The following AKAP13 variants were observed in gnomAD, a reference collection of about 807,000 sequenced individuals.
AKAP13 encodes A-kinase anchor protein 13.
AKAP13 carries 80 observed loss-of-function variants against 264.5 expected under a neutral mutation model. The ratio of observed to expected loss-of-function variants is 0.30; its 90% CI spans 0.25 to 0.36. The LOEUF (loss-of-function observed/expected upper bound fraction) is 0.36. Among genes scored for constraint, AKAP13 ranks in the 10% least tolerant of loss-of-function variants. AKAP13 has a pLI of 1.00. For synonymous variants in AKAP13, 1,380 were observed against 1,250.2 expected, an observed-to-expected ratio of 1.10 and a Z score of -2.19; for missense variants, 3,712 against 3,435.2, an observed-to-expected ratio of 1.08 and a Z score of -2.01.
chr15:85,708,168 T>A lies in AKAP13; in HGVS notation c.5532+82T>A. The A allele has an allele frequency of 7.6e-7, 1 of 1,311,880 alleles. No individual in the cohort carries two copies. Among genetic ancestry groups the A allele is most frequent in the Non-Finnish European group, 1.1e-6 (1 of 939,434 alleles). The allele number at this position is 1,311,880 out of a possible 1,614,324, so 81.3% of individuals were successfully genotyped here. A position where few individuals can be genotyped will look rare whatever the true frequency, so the allele number is the denominator to read the frequency against. On this transcript the variant is annotated intron_variant, in intron 18 of 36. Coordinates refer to ENST00000394518, the MANE Select transcript of AKAP13 (RefSeq NM_007200.5). The surrounding 1 kb of genome is among the most constrained non-coding windows in gnomAD (Gnocchi z 4.3). ...CCTCGGGAGTTGGGAGAGTTGAGGTTGTGGTGGATTTTGTTTATTTTAATC... is the reference window on the plus strand; with the variant it reads ...CCTCGGGAGTTGGGAGAGTTGAGGTAGTGGTGGATTTTGTTTATTTTAATC...
At chr15:85,705,657 A>T (rs1567205219) in intron 17 of AKAP13, among the ~76,000 whole-genome samples, 1 of 152,236 alleles carries the variant, frequency 6.6e-6, no homozygotes, top group East Asian at 1.9e-4. Flanking sequence ...AATACAAAGT[A>T]TTATACATAG....
chr15:85,693,520 C>T (rs2085400625), intron 17 of AKAP13, 69 bp downstream of exon 17: 2 of 1,579,580 alleles, frequency 1.3e-6, no homozygotes, highest in Admixed American at 2.0e-5. Context: ...TTTCTTGTTT[C>T]CTGTCCCCAC....
intron 14 of AKAP13, among the ~76,000 whole-genome samples, chr15:85,675,438 T>C (rs1391139272): frequency 6.6e-6 from 1 of 152,226 alleles, no homozygotes; most frequent in African/African-American, 2.4e-5. Context: ...GCTTTTTCTC[T>C]CATTTCATTT....
intron 35 of AKAP13, among the ~76,000 whole-genome samples, chr15:85,742,971 AG>A (rs1196842373): frequency 6.6e-6 from 1 of 152,176 alleles, no homozygotes; most frequent in Non-Finnish European, 1.5e-5. Context: ...GCTTTGACAA[AG>A]GAGGGTTCCC....
Position 85,669,594 on chromosome 15 carries a change from G to A in AKAP13, c.4993-128G>A, listed in dbSNP as rs1042089140. The A allele has an allele frequency of 1.5e-5, 9 of 595,210 alleles. No homozygotes were observed. The East Asian group carries it at 2.6e-4, about 17-fold the overall frequency. The allele number at this position is 595,210 out of a possible 1,614,324, so 36.9% of individuals were successfully genotyped here. ...TTAACCTAAGTCTGTCTGACCACAA[G>A]GCCTGTGCTCTCACCCGCTTCTTCA... On this transcript the variant is annotated intron_variant, in intron 13 of 36. Transcript: ENST00000394518.
At chr15:85,445,326 C>T (rs986766799) in intron 1 of AKAP13, among the ~76,000 whole-genome samples, 1 of 152,198 alleles carries the variant, frequency 6.6e-6, no homozygotes, top group African/African-American at 2.4e-5. Flanking sequence ...TTCGAGAGCT[C>T]ACAGTGGGAG....
At chr15:85,432,439 C>T (rs970086837) in intron 1 of AKAP13, among the ~76,000 whole-genome samples, 2 of 151,336 alleles carry the variant, frequency 1.3e-5, no homozygotes, top group African/African-American at 2.4e-5. Flanking sequence ...TTGTAAAATA[C>T]GGGAGAATTC....
At chr15:85,422,880 G>A (rs979519854) in intron 1 of AKAP13, among the ~76,000 whole-genome samples, 2 of 152,214 alleles carry the variant, frequency 1.3e-5, no homozygotes, top group African/African-American at 4.8e-5. Context: ...CTGCAGGCAT[G>A]CTTCAGAGAT....
Position 85,708,052 on chromosome 15 carries a change from A to G in AKAP13, c.5498A>G (p.Glu1833Gly). ...GCTTTTGTCCACAAAGGCTGCCGAG[A>G]AAGTCTAGCCTCCTGTGCAAAGGTC... ...CSAFVHKGCR[E>G]SLASCAKVKM... Residue 1833 changes from glutamate to glycine, a missense_variant, in exon 18 of 37, where the codon GAA becomes GGA. This residue lies in a region of AKAP13 where 2,759 missense variants were observed against 2,411.7 expected (regional missense o/e 1.14). Transcript: ENST00000394518. This position sits in a 1 kb window ranked among gnomAD's most constrained non-coding sequence, Gnocchi z 4.3. 1.2e-6 allele frequency: 2 copies of G among 1,613,978 alleles called. No homozygotes were observed. The highest frequency in any genetic ancestry group is 1.7e-6 in the Non-Finnish European group (2 of 1,179,894).
chr15:85,581,981 C>G lies in AKAP13; in HGVS notation c.3913C>G (p.Pro1305Ala). ...AFTEKVSTFPPGESLPMGSTP... is the reference protein window; with the variant it reads ...AFTEKVSTFPAGESLPMGSTP... ...TACAGAAAAAGTGAGTACTTTCCCA[C>G]CTGGGGAGAGCCTACCAATGGGCAG... Residue 1305 changes from proline (P) to alanine (A), a missense_variant, in exon 7 of 37, where the codon CCT (proline) becomes GCT (alanine). Pro to Ala is a conservative substitution (Grantham distance 27, BLOSUM62 -1). Coordinates refer to ENST00000394518, the MANE Select transcript of AKAP13 (RefSeq NM_007200.5). 1 of 1,614,152 alleles carries G rather than the reference C, an allele frequency of 6.2e-7. No individual in the cohort carries two copies. The highest frequency in any genetic ancestry group is 1.3e-5 in the African/African-American group (1 of 75,036).
chr15:85,588,905 T>C (rs981086587), intron 8 of AKAP13, among the ~76,000 whole-genome samples: 1 of 152,228 alleles, frequency 6.6e-6, no homozygotes, highest in Non-Finnish European at 1.5e-5. Context: ...GAGAACCATG[T>C]AATTTATCTC....
At chr15:85,562,829 G>A (rs1267782502) in intron 5 of AKAP13, among the ~76,000 whole-genome samples, 1 of 147,166 alleles carries the variant, frequency 6.8e-6, no homozygotes, top group African/African-American at 2.5e-5. Context: ...CTGAGTAGCT[G>A]GGATTACAGG....
At chr15:85,723,387 G>A (rs1192319363) in intron 26 of AKAP13, 67 bp downstream of exon 26, 1 of 1,571,860 alleles carries the variant, frequency 6.4e-7, no homozygotes, top group South Asian at 1.2e-5. Context: ...AAGTGCTTTT[G>A]TTGGAAATTC....
At chr15:85,738,634 C>T (rs945155324) in intron 33 of AKAP13, among the ~76,000 whole-genome samples, 1 of 151,540 alleles carries the variant, frequency 6.6e-6, no homozygotes, top group East Asian at 1.9e-4. Flanking sequence ...GTCAGGAGAT[C>T]GAGACCATCC....
At position 85,631,913 on chromosome 15, in the gene AKAP13, A is replaced by G. The variant is rs1256126448; in HGVS notation, c.4162-7461A>G. On this transcript the variant is annotated intron_variant, in intron 8 of 36. Transcript: ENST00000394518. ...CATTGAAGAAAATTTGGGAAACTACAGGAAAGTTAAAAGGAATATAAGTTG... is the reference window on the plus strand; with the variant it reads ...CATTGAAGAAAATTTGGGAAACTACGGGAAAGTTAAAAGGAATATAAGTTG... Among the ~76,000 whole-genome samples the G allele has an allele frequency of 2.0e-5, 3 of 152,224 alleles. No individual in the cohort carries two copies. In the East Asian group the frequency reaches 5.8e-4, roughly 29 times the overall value.
In AKAP13 at chr15:85,588,980, A is replaced by G. The variant is rs374126228; in HGVS notation, c.4161+3157A>G. The stretch of plus-strand genomic sequence containing the variant: ...TCCACCGTGTAGAGTTGGGGAAAGC[A>G]TATGTCAGTGGGATTTTCAGTTCTT... On this transcript the variant is annotated intron_variant, in intron 8 of 36. Coordinates refer to ENST00000394518, the MANE Select transcript of AKAP13 (RefSeq NM_007200.5). Among the ~76,000 whole-genome samples the G allele has an allele frequency of 3.3e-5, 5 of 152,244 alleles. No homozygotes were observed. The East Asian group carries it at 5.8e-4, about 18-fold the overall frequency.
intron 14 of AKAP13, among the ~76,000 whole-genome samples, chr15:85,677,980 C>G (rs969711561): frequency 5.9e-5 from 9 of 152,060 alleles, no homozygotes; most frequent in African/African-American, 1.9e-4. Flanking sequence ...CCTACTTTCT[C>G]TCTCCTTTTG....
intron 1 of AKAP13, among the ~76,000 whole-genome samples, chr15:85,424,121 T>TA (rs2072654634): frequency 1.3e-5 from 2 of 152,368 alleles, no homozygotes; most frequent in South Asian, 4.1e-4. Flanking sequence ...GGCTTCAACT[T>TA]AAAGTCATCA....
At chr15:85,489,114 T>A (rs2075655347) in intron 2 of AKAP13, among the ~76,000 whole-genome samples, 1 of 152,200 alleles carries the variant, frequency 6.6e-6, no homozygotes, top group Non-Finnish European at 1.5e-5. Flanking sequence ...GGAAACGAGG[T>A]CTGAAGATGT....
Sources: gnomAD v4.1 joint callset for allele counts (sites outside exome capture counted in the v4.1 genomes callset) on GRCh38, gnomAD v4.1.1 for gene constraint, gnomAD v4.1.1 regional missense constraint, Gnocchi (gnomAD v3.1) non-coding constraint, MANE v1.5 for transcripts, NCBI Gene and HGNC (gene_info 2026-07-23, HGNC 2026-07-21) for gene names.